The following U2SURP variants were observed in gnomAD, a reference collection of about 807,000 sequenced individuals.
U2SURP encodes the protein U2 snRNP associated SURP domain containing.
In U2SURP, 9 loss-of-function variants were observed where a neutral mutation model predicts 144.9. The ratio of observed to expected loss-of-function variants is 0.06; its 90% confidence interval spans 0.04 to 0.11. The LOEUF (loss-of-function observed/expected upper bound fraction) is 0.11, where lower values mean the gene tolerates loss of function less well. Among genes scored for constraint, U2SURP ranks in the 10% least tolerant of loss-of-function variants. The probability of loss-of-function intolerance (pLI) is 1.00; values close to 1 mark genes in which losing one functional copy is unlikely to be tolerated. For missense variants in U2SURP, 724 were observed against 1,226.7 expected (o/e 0.59, Z 6.12); for synonymous variants, 408 against 396.8 (o/e 1.03, Z -0.33).
At position 143,019,958 on chromosome 3, in the gene U2SURP, A is replaced by G. The variant is rs1393584754; in HGVS notation, c.571-11A>G. 7 of 1,467,758 alleles carry G rather than the reference A, an allele frequency of 4.8e-6. No individual in the cohort carries two copies. Among genetic ancestry groups the G allele is most frequent in the Non-Finnish European group, 5.5e-6 (6 of 1,095,800 alleles). The allele number at this position is 1,467,758 out of a possible 1,614,324, so 90.9% of individuals were successfully genotyped here. ...TTTTGTTTGAAGTATAACTTGTCAT[A>G]TCCTTTATAGCCACTTAAAAAAGGA... is the stretch of plus-strand genomic sequence containing the variant. On this transcript the variant is annotated splice_polypyrimidine_tract_variant and intron_variant, in intron 6 of 27. Coordinates refer to ENST00000473835, the MANE Select transcript of U2SURP (RefSeq NM_001080415.2).
chr3:143,021,968 TGTA>T (rs1936656600), intron 10 of U2SURP, among the ~76,000 whole-genome samples: 1 of 152,322 alleles, frequency 6.6e-6, no homozygotes, highest in East Asian at 1.9e-4. Flanking sequence ...ATATGGGGAA[TGTA>T]GTAACGGTAG....
chr3:143,031,445 A>G (rs111287122), intron 16 of U2SURP, among the ~76,000 whole-genome samples: 12 of 113,394 alleles, frequency 1.1e-4, no homozygotes, highest in South Asian at 2.9e-4. Flanking sequence ...AGCTACCACC[A>G]CCCTAACCTT....
intron 10 of U2SURP, among the ~76,000 whole-genome samples, 156 bp from the exon 11 acceptor site, chr3:143,022,341 C>T (rs185084992): frequency 1.5e-4 from 23 of 152,258 alleles, no homozygotes; most frequent in African/African-American, 2.2e-4. Flanking sequence ...ATGCCCCACG[C>T]GGGATTTTAC....
At chr3:143,005,669 A>G (rs555552766) in intron 1 of U2SURP, among the ~76,000 whole-genome samples, 1 of 152,228 alleles carries the variant, frequency 6.6e-6, no homozygotes, top group Admixed American at 6.5e-5. Flanking sequence ...TTCTGGATTG[A>G]ATTGTTTTCT....
At position 143,043,222 on chromosome 3, in the gene U2SURP, C is replaced by T; in HGVS notation, c.2490C>T (p.Phe830=). 1.9e-6 allele frequency: 3 copies of T among 1,604,528 alleles called. No homozygotes were observed. In the East Asian group the frequency reaches 6.7e-5, roughly 36 times the overall value. Residue 830 remains phenylalanine, a synonymous_variant, in exon 24 of 28, where the codon TTC becomes TTT. Coordinates refer to ENST00000473835, the MANE Select transcript of U2SURP (RefSeq NM_001080415.2). ...AAGAAGAAATGACTGAGTCTAAGTT[C>T]TCTAAGTACTCTGAAATGAGTGAGG... is the stretch of plus-strand genomic sequence containing the variant. ...PIKEEMTESK[F]SKYSEMSEEK...
intron 24 of U2SURP, among the ~76,000 whole-genome samples, chr3:143,044,501 G>A (rs981072339): frequency 2.0e-5 from 3 of 151,590 alleles, no homozygotes; most frequent in Non-Finnish European, 4.4e-5. Context: ...TGTCCAGGCT[G>A]GTCTCACCCT....
Position 143,059,887 on chromosome 3 carries a change from A to G in U2SURP, c.*3437A>G, listed in dbSNP as rs1258621699. On this transcript the variant is annotated 3_prime_UTR_variant, in exon 28 of 28. Coordinates refer to ENST00000473835, the MANE Select transcript of U2SURP (RefSeq NM_001080415.2). ...TCTTCATATTTCACACGCATGTTTT[A>G]GAATAGATTTTAGGGAGTGTTTAAT... The G allele has an allele frequency of 3.3e-5, 5 of 152,502 alleles. No homozygotes were observed. The highest frequency in any genetic ancestry group is 6.6e-5 in the Admixed American group (1 of 15,258). The allele number at this position is 152,502 out of a possible 1,614,324, so 9.4% of individuals were successfully genotyped here. A position where few individuals can be genotyped will look rare whatever the true frequency, so the allele number is the denominator to read the frequency against.
chr3:143,019,803 A>G (rs929958419), intron 6 of U2SURP, among the ~76,000 whole-genome samples, 166 bp from the exon 7 acceptor site: 6 of 152,178 alleles, frequency 3.9e-5, no homozygotes, highest in African/African-American at 1.4e-4. Flanking sequence ...GTTATTTTGA[A>G]GGAAGGGGAA....
intron 6 of U2SURP, among the ~76,000 whole-genome samples, chr3:143,018,901 G>A (rs1308428298): frequency 6.6e-6 from 1 of 152,050 alleles, no homozygotes; most frequent in Non-Finnish European, 1.5e-5. Flanking sequence ...CTCCAGCCTG[G>A]GCAACAAGAG....
At position 143,014,235 on chromosome 3, in the gene U2SURP, G is replaced by A. The variant is rs541814366; in HGVS notation, c.223-76G>A. 1.9e-5 allele frequency: 17 copies of A among 916,622 alleles called. No individual in the cohort carries two copies. The African/African-American group carries it at 2.4e-4, about 13-fold the overall frequency. The allele number at this position is 916,622 out of a possible 1,614,324, so 56.8% of individuals were successfully genotyped here. A position where few individuals can be genotyped will look rare whatever the true frequency, so the allele number is the denominator to read the frequency against. ...AACGGCAGTCTATTCTGAAGACTTA[G>A]TTATCAGTTGATGTGTATTAAAGTT... On this transcript the variant is annotated intron_variant, in intron 3 of 27. Coordinates refer to ENST00000473835, the MANE Select transcript of U2SURP (RefSeq NM_001080415.2).
intron 24 of U2SURP, among the ~76,000 whole-genome samples, chr3:143,047,214 G>A (rs1934541891): frequency 1.1e-5 from 1 of 92,130 alleles, no homozygotes; most frequent in Non-Finnish European, 2.0e-5. Context: ...CGGCCGGCCA[G>A]GCGGGGGGCT....
intron 2 of U2SURP, 142 bp downstream of exon 2, chr3:143,011,001 T>C: frequency 2.0e-6 from 1 of 494,334 alleles, no homozygotes; most frequent in Non-Finnish European, 3.4e-6. Flanking sequence ...TCTAGGCGCC[T>C]TCCTTTTTTT....
intron 24 of U2SURP, among the ~76,000 whole-genome samples, chr3:143,050,238 T>G (rs371086143): frequency 4.6e-5 from 7 of 152,172 alleles, no homozygotes; most frequent in Admixed American, 3.9e-4. Context: ...CATGCCTGGC[T>G]AATTTTGTAT....
chr3:143,016,498 CAT>C (rs1936374948), intron 5 of U2SURP, 127 bp downstream of exon 5: 5 of 808,842 alleles, frequency 6.2e-6, no homozygotes, highest in Non-Finnish European at 9.8e-6. Context: ...TTGAATTTTA[CAT>C]TTTCTATCAG....
At chr3:143,052,702 G>C (rs773594637) in intron 25 of U2SURP, among the ~76,000 whole-genome samples, 11 of 152,182 alleles carry the variant, frequency 7.2e-5, no homozygotes, top group Non-Finnish European at 1.2e-4. Context: ...TTACTGTCTG[G>C]CTCTGTACAA....
chr3:143,055,342 T>C (rs994269543), intron 27 of U2SURP, among the ~76,000 whole-genome samples: 5 of 152,154 alleles, frequency 3.3e-5, no homozygotes, highest in African/African-American at 1.2e-4. Flanking sequence ...CAGCCAAGAA[T>C]TTTAAACATC....
At chr3:143,026,420 C>T (rs1419482689) in intron 13 of U2SURP, 1 of 152,048 alleles carries the variant, frequency 6.6e-6, no homozygotes, top group Non-Finnish European at 1.5e-5. Context: ...AACATAATTT[C>T]TTCATTGATT....
intron 22 of U2SURP, among the ~76,000 whole-genome samples, 200 bp downstream of exon 22, chr3:143,038,403 A>C (rs929601180): frequency 5.9e-5 from 9 of 151,938 alleles, no homozygotes; most frequent in Non-Finnish European, 1.2e-4. Context: ...TCAGTTTGGA[A>C]GCTTTGAGAG....
At chr3:143,020,204 G>A (rs967984651) in intron 7 of U2SURP, among the ~76,000 whole-genome samples, 168 bp downstream of exon 7, 3 of 152,158 alleles carry the variant, frequency 2.0e-5, no homozygotes, top group South Asian at 4.1e-4. Flanking sequence ...AAATAAATTA[G>A]CATTTAGTCC....
Sources: gnomAD v4.1 joint callset for allele counts (sites outside exome capture counted in the v4.1 genomes callset) on GRCh38, gnomAD v4.1.1 for gene constraint, MANE v1.5 for transcripts, NCBI Gene and HGNC (gene_info 2026-07-23, HGNC 2026-07-21) for gene names.